Variants in ANK2 observed in about 807,000 individuals in gnomAD.
The protein encoded by ANK2 is ankyrin 2.
ANK2 carries 83 observed loss-of-function variants against 360.5 expected under a neutral mutation model. The observed-to-expected ratio is 0.23, with a 90% CI of 0.19 to 0.28. The LOEUF is 0.28. Ranked by LOEUF, ANK2 falls within the 10% of genes least tolerant of loss-of-function variation. The pLI, the probability that ANK2 is intolerant of heterozygous loss-of-function variation, is 1.00. For missense variants in ANK2, 4,201 were observed against 4,795.7 expected (o/e 0.88, Z 3.66); for synonymous variants, 1,740 against 1,759.5 (o/e 0.99, Z 0.28).
At chr4:112,739,129 G>T in the ANK2 span, 1 of 427,026 alleles carries the variant, frequency 2.3e-6, no homozygotes, top group Non-Finnish European at 4.4e-6. Context: ...CACGTTTTGT[G>T]TTTAAATAAA....
intron 10 of ANK2, among the ~76,000 whole-genome samples, chr4:113,253,155 G>A (rs2047389067): frequency 6.6e-6 from 1 of 152,198 alleles, no homozygotes; most frequent in South Asian, 2.1e-4. Flanking sequence ...CATCTGGTGT[G>A]ATTGCTTGGT....
intron 1 of ANK2, among the ~76,000 whole-genome samples, chr4:112,822,258 A>AAC (rs1553927542): frequency 9.0e-4 from 124 of 138,446 alleles, no homozygotes; most frequent in African/African-American, 3.5e-3. Flanking sequence ...AAAAAAAAAA[A>AAC]AAAACAAAAA....
chr4:112,849,212 G>A (rs2064045302), intron 1 of ANK2, among the ~76,000 whole-genome samples: 1 of 152,220 alleles, frequency 6.6e-6, no homozygotes, highest in Non-Finnish European at 1.5e-5. Flanking sequence ...CATTTTGGCA[G>A]TAGGTGTAGG....
intron 2 of ANK2, among the ~76,000 whole-genome samples, chr4:112,982,006 G>T (rs1312630204): frequency 1.3e-5 from 2 of 152,090 alleles, no homozygotes; most frequent in African/African-American, 2.4e-5. Flanking sequence ...CTTTGATTTT[G>T]ACACAGAGAA....
the ANK2 span, among the ~76,000 whole-genome samples, chr4:112,724,220 A>G: frequency 1.3e-5 from 2 of 152,044 alleles, no homozygotes; most frequent in African/African-American, 4.8e-5. Flanking sequence ...GCATGCCACC[A>G]TGCCTGGTTA....
At chr4:112,782,972 C>T in the ANK2 span, among the ~76,000 whole-genome samples, 2,209 of 152,118 alleles carry the variant, frequency 0.015, 53 homozygotes, top group African/African-American at 0.05. Context: ...TGCAGTGTCT[C>T]GATCTCACCT....
At chr4:113,115,700 T>C (rs1180734838) in intron 1 of ANK2, among the ~76,000 whole-genome samples, 2 of 152,216 alleles carry the variant, frequency 1.3e-5, no homozygotes, top group African/African-American at 4.8e-5. Context: ...GCTCTCTTAC[T>C]ATCTTTATGT....
chr4:113,159,603 C>A (rs1292182764), intron 1 of ANK2, among the ~76,000 whole-genome samples: 1 of 151,372 alleles, frequency 6.6e-6, no homozygotes, highest in Admixed American at 6.6e-5. Flanking sequence ...TTTCTTATTT[C>A]TTTATTTTTT....
chr4:113,219,500 C>T (rs184558129), intron 4 of ANK2, among the ~76,000 whole-genome samples: 4,226 of 151,968 alleles, frequency 0.028, 97 homozygotes, highest in East Asian at 0.067. Flanking sequence ...AAGCATTATA[C>T]ATTACAAAAA....
At chr4:113,278,005 T>G in intron 16 of ANK2, 70 bp downstream of exon 16, 1 of 1,412,596 alleles carries the variant, frequency 7.1e-7, no homozygotes, top group South Asian at 1.2e-5. Context: ...GTAAAGACAT[T>G]TTTCTCACTT....
rs1256535564 is a variant in ANK2 at position 113,064,796 on chromosome 4, TCTGTA to T, written c.84+14985_84+14989del. ...ACTTCTAACAAAAATGTTAGAAAGT[TCTGTA>T]GAACTTCTAACAAAAATGTTAGAAA... On this transcript the variant is annotated intron_variant, in intron 1 of 45. Transcript: ENST00000357077. Among the ~76,000 whole-genome samples the T allele has an allele frequency of 4.9e-3, 468 of 94,744 alleles. 1 individual carries two copies. The highest frequency in any genetic ancestry group is 0.026 in the Middle Eastern group (4 of 152). The allele number at this position is 94,744 out of a possible 152,430, so 62.2% of individuals were successfully genotyped here. A position where few individuals can be genotyped will look rare whatever the true frequency, so the allele number is the denominator to read the frequency against.
At chr4:113,348,761 T>C (rs2095169044) in intron 36 of ANK2, among the ~76,000 whole-genome samples, 1 of 152,282 alleles carries the variant, frequency 6.6e-6, no homozygotes, top group Admixed American at 6.5e-5. Flanking sequence ...CTACATGTGA[T>C]GATATTGCCA....
chr4:113,262,555 C>T lies in ANK2; in HGVS notation c.1387-2342C>T, dbSNP rs559286411. Among the ~76,000 whole-genome samples, 5 of 152,104 alleles carry T rather than the reference C, an allele frequency of 3.3e-5. No individual in the cohort carries two copies. In the South Asian group the frequency reaches 8.3e-4, roughly 25 times the overall value. On this transcript the variant is annotated intron_variant, in intron 13 of 45. Transcript: ENST00000357077. Reference sequence around the variant, plus strand: ...TTGTTTTGTTTTGTTTGAATACCATCGGCCCTCTGTATCAGTAGCTTCTGT... The same window carrying T: ...TTGTTTTGTTTTGTTTGAATACCATTGGCCCTCTGTATCAGTAGCTTCTGT...
intron 24 of ANK2, among the ~76,000 whole-genome samples, chr4:113,316,893 AT>A (rs2083239095): frequency 6.6e-6 from 1 of 152,148 alleles, no homozygotes; most frequent in Non-Finnish European, 1.5e-5. Flanking sequence ...GCCAAACCTC[AT>A]TTTTGGTCAG....
intron 1 of ANK2, among the ~76,000 whole-genome samples, chr4:113,088,677 G>A (rs1166741881): frequency 6.6e-6 from 1 of 152,124 alleles, no homozygotes; most frequent in Non-Finnish European, 1.5e-5. Flanking sequence ...GACTGGAAAG[G>A]AACTGGAAAG....
intron 26 of ANK2, among the ~76,000 whole-genome samples, chr4:113,324,967 G>A (rs1461408111): frequency 6.6e-6 from 1 of 152,196 alleles, no homozygotes; most frequent in Non-Finnish European, 1.5e-5. Flanking sequence ...CTCCTCTGAA[G>A]CATGTACTGT....
At chr4:113,057,726 C>G (rs752390697) in intron 1 of ANK2, among the ~76,000 whole-genome samples, 1 of 152,042 alleles carries the variant, frequency 6.6e-6, no homozygotes, top group Non-Finnish European at 1.5e-5. Flanking sequence ...ACAAGACATT[C>G]GAATCTAGTA....
intron 1 of ANK2, among the ~76,000 whole-genome samples, chr4:112,818,467 T>G (rs748404245): frequency 1.3e-5 from 2 of 152,192 alleles, no homozygotes; most frequent in Non-Finnish European, 2.9e-5. Context: ...TTGTTCTCCA[T>G]GTGATGTGTT....
At chr4:112,964,861 G>T (rs1439690844) in intron 2 of ANK2, among the ~76,000 whole-genome samples, 1 of 152,072 alleles carries the variant, frequency 6.6e-6, no homozygotes, top group African/African-American at 2.4e-5. Context: ...GAGCCACCGC[G>T]CCCGGCCATG....
Sources: gnomAD v4.1 joint callset for allele counts (sites outside exome capture counted in the v4.1 genomes callset) on GRCh38, gnomAD v4.1.1 for gene constraint, MANE v1.5 for transcripts, NCBI Gene and HGNC (gene_info 2026-07-23, HGNC 2026-07-21) for gene names.